Variants in SHOX observed in about 807,000 individuals in gnomAD.
SHOX encodes the protein SHOX homeobox.
Under a neutral mutation model 29.6 loss-of-function variants are expected in SHOX, and 12 were observed. The observed-to-expected ratio is 0.41, with a 90% CI of 0.26 to 0.66. The LOEUF is 0.66. Among genes scored for constraint, SHOX ranks in the 30% least tolerant of loss-of-function variants. The pLI is 0.35. For synonymous variants in SHOX, 214 were observed against 200.6 expected, an observed-to-expected ratio of 1.07 and a Z score of -0.57; for missense variants, 499 against 437.7, an observed-to-expected ratio of 1.14 and a Z score of -1.25.
At chrX:636,219 CAT>C (rs1366312524) in intron 2 of SHOX, among the ~76,000 whole-genome samples, 186 of 144,120 alleles carry the variant, frequency 1.3e-3, no homozygotes, top group African/African-American at 4.5e-3. Context: ...TATATAAACA[CAT>C]ATATAATATA....
rs1461607860 is a variant in SHOX, at chrX:651,315, TCA to T, written c.*6685_*6686del. 4.4e-6 allele frequency: 2 copies of T among 455,444 alleles called. No individual in the cohort carries two copies. The highest frequency in any genetic ancestry group is 8.8e-6 in the Non-Finnish European group (2 of 226,716). 28.2% of individuals were successfully genotyped at this position (455,444 alleles called of 1,614,324 possible). On this transcript the variant is annotated 3_prime_UTR_variant, in exon 5 of 5. Coordinates refer to ENST00000686671, the MANE Select transcript of SHOX (RefSeq NM_000451.4). Reference sequence around the variant, plus strand: ...AGGGATTGCTTCAGATGAAAACAAATCACACACCGTTTCCCAAACCAACAGTC... The same window carrying T: ...AGGGATTGCTTCAGATGAAAACAAATCACACCGTTTCCCAAACCAACAGTC...
At position 624,915 on chromosome X, in the gene SHOX, TTTC is replaced by T. The variant is rs1272384038; in HGVS notation, c.-433+316_-433+318del. 1.7e-3 allele frequency among the ~76,000 whole-genome samples: 188 copies of T among 111,050 alleles called. 3 individuals carry two copies. In the South Asian group the frequency reaches 0.025, roughly 15 times the overall value. 72.9% of individuals were successfully genotyped at this position (111,050 alleles called of 152,430 possible). On this transcript the variant is annotated intron_variant, in intron 1 of 5. Transcript: ENST00000334060. ...CTTTCTTTCTTTCTCTCTTCCTTTC[TTTC>T]TTTCTTTCTTTCTTTTCTTTCTTTC... is the stretch of plus-strand genomic sequence containing the variant.
At position 624,386 on chromosome X, in the gene SHOX, C is replaced by CT. The variant is rs55872554; in HGVS notation, c.-636dup. 0.2 allele frequency: 25,565 copies of CT among 130,838 alleles called. 4,573 individuals are homozygous for CT. Among genetic ancestry groups the CT allele is most frequent in the African/African-American group, 0.47 (18,286 of 38,654 alleles). The allele number at this position is 130,838 out of a possible 1,614,324, so 8.1% of individuals were successfully genotyped here. A position where few individuals can be genotyped will look rare whatever the true frequency, so the allele number is the denominator to read the frequency against. ...GTCCTGAGAACAGGGGCTCCCCACA[C>CT]TTTTTTTTTTTTTGGTTTTGTTTTA... On this transcript the variant is annotated 5_prime_UTR_variant, in exon 1 of 6. Transcript: ENST00000334060.
At chrX:644,108 G>A (rs1206952560) in intron 4 of SHOX, among the ~76,000 whole-genome samples, 1 of 152,130 alleles carries the variant, frequency 6.6e-6, no homozygotes, top group African/African-American at 2.4e-5. Flanking sequence ...CGCATCGGGA[G>A]CTCCCCCTGA....
chrX:658,552 G>C (rs962065649), intron 5 of SHOX, among the ~76,000 whole-genome samples: 2 of 148,150 alleles, frequency 1.3e-5, no homozygotes, highest in East Asian at 2.0e-4. Context: ...CTCACTGCAA[G>C]CTCCTCTTCC....
At position 644,691 on chromosome X, in the gene SHOX, G is replaced by T. The variant is rs1272716683; in HGVS notation, c.*55G>T. ...CTCCCGGGCTCCGCGCACCCCGCCT[G>T]CACCGCGCGTCCTGCACTCAACCCC... On this transcript the variant is annotated 3_prime_UTR_variant, in exon 5 of 5. Transcript: ENST00000686671. 7 of 1,375,556 alleles carry T rather than the reference G, an allele frequency of 5.1e-6. No individual in the cohort carries two copies. The highest frequency in any genetic ancestry group is 4.6e-6 in the Non-Finnish European group (5 of 1,075,796). 85.2% of individuals were successfully genotyped at this position (1,375,556 alleles called of 1,614,324 possible).
At chrX:627,084 C>G (rs2052552197), upstream of SHOX, among the ~76,000 whole-genome samples, 1 of 152,042 alleles carries the variant, frequency 6.6e-6, no homozygotes, top group Non-Finnish European at 1.5e-5. Flanking sequence ...TTCTCTCTCT[C>G]CCTGTCTCAG....
chrX:648,998 TCCTTTTTTG>T lies in SHOX; in HGVS notation c.*4363_*4371del, dbSNP rs2053010033. Among the ~76,000 whole-genome samples the T allele has an allele frequency of 1.3e-5, 2 of 150,882 alleles. No homozygotes were observed. The highest frequency in any genetic ancestry group is 2.1e-4 in the South Asian group (1 of 4,800). ...TCTTTCTCTCTTTTTCTTTCTCTTT[TCCTTTTTTG>T]TTTCTTTCTTTCTTTTTCTTTCTTT... On this transcript the variant is annotated 3_prime_UTR_variant, in exon 5 of 5. Transcript: ENST00000686671.
At position 635,032 on chromosome X, in the gene SHOX, C is replaced by T. The variant is rs188153956; in HGVS notation, c.486+206C>T. On this transcript the variant is annotated intron_variant, in intron 2 of 4. Coordinates refer to ENST00000686671, the MANE Select transcript of SHOX (RefSeq NM_000451.4). ...TGGGTTCATTGCGTTTGTTTTTCAC[C>T]AACAGCAAACAAATATATATACATA... 2.6e-3 allele frequency among the ~76,000 whole-genome samples: 402 copies of T among 152,116 alleles called. 1 individual carries two copies. The highest frequency in any genetic ancestry group is 4.7e-3 in the Non-Finnish European group (322 of 68,004).
At position 650,594 on chromosome X, in the gene SHOX, AT is replaced by A; in HGVS notation, c.*5961del. ...TGGGTTTCATGCTGACCTTTCTAAC[AT>A]TTGTTTTCCCCTAAGAACAAGCAGA... On this transcript the variant is annotated 3_prime_UTR_variant, in exon 5 of 5. Transcript: ENST00000686671. Among the ~76,000 whole-genome samples the A allele has an allele frequency of 6.6e-6, 1 of 151,468 alleles. No individual in the cohort carries two copies. The highest frequency in any genetic ancestry group is 1.5e-5 in the Non-Finnish European group (1 of 67,914).
intron 5 of SHOX, among the ~76,000 whole-genome samples, chrX:658,311 C>T (rs1249445641): frequency 6.6e-6 from 1 of 151,912 alleles, no homozygotes; most frequent in Non-Finnish European, 1.5e-5. Context: ...AAGCAGCTTT[C>T]TCTCTGAGCC....
rs764831937 is a variant in SHOX at position 644,378 on chromosome X, TCCGCTC to T, written c.634-8_634-3del. 1.7e-5 allele frequency: 26 copies of T among 1,517,890 alleles called. No individual in the cohort carries two copies. The highest frequency in any genetic ancestry group is 2.3e-5 in the Non-Finnish European group (26 of 1,140,560). The allele number at this position is 1,517,890 out of a possible 1,614,324, so 94.0% of individuals were successfully genotyped here. A position where few individuals can be genotyped will look rare whatever the true frequency, so the allele number is the denominator to read the frequency against. ...CATCCTGCGCCCTCACCCCGCCGGG[TCCGCTC>T]CCGCAGGTCCAGGCTCAGCTGCAGC... On this transcript the variant is annotated splice_polypyrimidine_tract_variant and splice_region_variant and intron_variant, in intron 4 of 4. Coordinates refer to ENST00000686671, the MANE Select transcript of SHOX (RefSeq NM_000451.4).
intron 4 of SHOX, among the ~76,000 whole-genome samples, 178 bp downstream of exon 4, chrX:641,265 T>A (rs1486584776): frequency 6.6e-6 from 1 of 152,140 alleles, no homozygotes; most frequent in Non-Finnish European, 1.5e-5. Flanking sequence ...CCTTGGCACC[T>A]ATGAAATCAG....
intron 1 of SHOX, among the ~76,000 whole-genome samples, chrX:633,960 C>T (rs2052692650): frequency 6.6e-6 from 1 of 152,224 alleles, no homozygotes; most frequent in Admixed American, 6.5e-5. Flanking sequence ...TGAGAAAGTG[C>T]CATTTTTGGC....
rs1328101389 is a variant in SHOX, at chrX:649,930, C to T, written c.*5294C>T. The T allele has an allele frequency of 2.2e-6, 1 of 456,100 alleles. No homozygotes were observed. 28.3% of individuals were successfully genotyped at this position (456,100 alleles called of 1,614,324 possible). A position where few individuals can be genotyped will look rare whatever the true frequency, so the allele number is the denominator to read the frequency against. ...ACTTTTCTCTCTCTTTTCTCTCTCT[C>T]TGACTGCGAAGCACCCACAGGGAGA... On this transcript the variant is annotated 3_prime_UTR_variant, in exon 5 of 5. Transcript: ENST00000686671.
Position 644,537 on chromosome X carries a change from C to T in SHOX, c.780C>T (p.Ala260=). The T allele has an allele frequency of 1.3e-6, 2 of 1,517,326 alleles. No individual in the cohort carries two copies. The highest frequency in any genetic ancestry group is 8.8e-7 in the Non-Finnish European group (1 of 1,139,180). 94.0% of individuals were successfully genotyped at this position (1,517,326 alleles called of 1,614,324 possible). A position where few individuals can be genotyped will look rare whatever the true frequency, so the allele number is the denominator to read the frequency against. ...CGCTGGCCGAGTCCGCCTCGGCCGC[C>T]GCCGTGGTCGCCGCCGCCGCCAAAA... ...IASLAESASA[A]AVVAAAAKSN... The change falls in exon 5 of 5, where the codon GCC becomes GCT. Residue 260 remains alanine (A), a synonymous_variant. Transcript: ENST00000686671.
downstream of SHOX, among the ~76,000 whole-genome samples, chrX:655,971 A>G (rs1352999134): frequency 6.6e-6 from 1 of 151,926 alleles, no homozygotes; most frequent in African/African-American, 2.4e-5. Context: ...TGAGCCCAGG[A>G]GTTCAAGACC....
chrX:658,611 C>T (rs28464748), intron 5 of SHOX, among the ~76,000 whole-genome samples: 7,321 of 151,748 alleles, frequency 0.048, 543 homozygotes, highest in African/African-American at 0.17. Flanking sequence ...GCTGGGACTA[C>T]AGGCGCCCGC....
At chrX:625,931 C>G (rs1397590285), upstream of SHOX, among the ~76,000 whole-genome samples, 1 of 121,026 alleles carries the variant, frequency 8.3e-6, no homozygotes, top group African/African-American at 3.1e-5. Context: ...CTATCTCTGT[C>G]TCTCTTTCTC....
Sources: gnomAD v4.1 joint callset for allele counts (sites outside exome capture counted in the v4.1 genomes callset) on GRCh38, gnomAD v4.1.1 for gene constraint, MANE v1.5 for transcripts, NCBI Gene and HGNC (gene_info 2026-07-23, HGNC 2026-07-21) for gene names.